The following DNAAF11 variants were observed in gnomAD, a reference collection of about 807,000 sequenced individuals.
DNAAF11 encodes leucine rich repeat containing 6.
In DNAAF11, 45 loss-of-function variants were observed where a neutral mutation model predicts 60.8. The ratio of observed to expected loss-of-function variants is 0.74; its 90% confidence interval spans 0.58 to 0.95. The LOEUF (loss-of-function observed/expected upper bound fraction) is 0.95. Ranked by LOEUF, DNAAF11 falls within the 40% of genes least tolerant of loss-of-function variation. The probability of loss-of-function intolerance (pLI) is 0.00; values close to 1 mark genes in which losing one functional copy is unlikely to be tolerated. For synonymous variants in DNAAF11, 191 were observed against 183.5 expected, an observed-to-expected ratio of 1.04 and a Z score of -0.33; for missense variants, 546 against 546.2, an observed-to-expected ratio of 1.00 and a Z score of 0.00.
At chr8:132,683,789 C>T in the DNAAF11 span, among the ~76,000 whole-genome samples, 1 of 152,108 alleles carries the variant, frequency 6.6e-6, no homozygotes, top group Non-Finnish European at 1.5e-5. Flanking sequence ...CTTTGGAGGG[C>T]AAGTCCAGGT....
chr8:132,612,533 C>T (rs1818772708), intron 8 of DNAAF11, among the ~76,000 whole-genome samples: 1 of 152,142 alleles, frequency 6.6e-6, no homozygotes, highest in African/African-American at 2.4e-5. Flanking sequence ...TGACTACTCC[C>T]CGCACAGCAT....
chr8:132,615,230 G>A, intron 7 of DNAAF11, 133 bp from the exon 8 acceptor site: 2 of 502,342 alleles, frequency 4.0e-6, no homozygotes, highest in Non-Finnish European at 3.5e-6. Flanking sequence ...TTTAGTGGTT[G>A]AACAATCAAA....
chr8:132,700,523 C>CA, the DNAAF11 span, among the ~76,000 whole-genome samples: 1,038 of 135,332 alleles, frequency 7.7e-3, 17 homozygotes, highest in South Asian at 0.022. Flanking sequence ...CCCACCTCTA[C>CA]AAAAAAAAAA....
At chr8:132,684,083 A>G in the DNAAF11 span, among the ~76,000 whole-genome samples, 1 of 152,164 alleles carries the variant, frequency 6.6e-6, no homozygotes, top group South Asian at 2.1e-4. Context: ...GTGCAGCTAC[A>G]GCAAATTTTT....
intron 10 of DNAAF11, among the ~76,000 whole-genome samples, chr8:132,600,313 G>T (rs1817475136): frequency 6.6e-6 from 1 of 152,094 alleles, no homozygotes; most frequent in East Asian, 1.9e-4. Flanking sequence ...CTCATGGATA[G>T]GAAGAATCAA....
At chr8:132,625,177 G>T in intron 6 of DNAAF11, 95 bp downstream of exon 6, 1 of 929,268 alleles carries the variant, frequency 1.1e-6, no homozygotes, top group Non-Finnish European at 1.6e-6. Flanking sequence ...AAGTGCTAAA[G>T]GTTTAACACA....
At chr8:132,624,043 A>C (rs750863109) in intron 6 of DNAAF11, among the ~76,000 whole-genome samples, 5 of 152,162 alleles carry the variant, frequency 3.3e-5, no homozygotes, top group Non-Finnish European at 7.4e-5. Context: ...GGGAGTAAAA[A>C]AAATTTCTCC....
chr8:132,690,722 T>G, the DNAAF11 span, among the ~76,000 whole-genome samples: 2 of 152,196 alleles, frequency 1.3e-5, no homozygotes, highest in Non-Finnish European at 2.9e-5. Flanking sequence ...CCATGACAGT[T>G]TCTCAGGCTC....
rs181674856 is a variant in DNAAF11, at chr8:132,606,319, A to T, written c.1140+3847T>A. 1.6e-3 allele frequency among the ~76,000 whole-genome samples: 247 copies of T among 152,050 alleles called. 2 individuals are homozygous for T. Among genetic ancestry groups the T allele is most frequent in the Non-Finnish European group, 3.0e-3 (204 of 67,952 alleles). On this transcript the variant is annotated intron_variant, in intron 10 of 11. Coordinates refer to ENST00000620350, the MANE Select transcript of DNAAF11 (RefSeq NM_012472.6). ...GAGTGGGCTCCCTCTACTTATATTT[A>T]AAAAAAATAATGTTGTCCCTGAAGA... is the stretch of plus-strand genomic sequence containing the variant.
intron 1 of DNAAF11, among the ~76,000 whole-genome samples, chr8:132,668,810 G>A (rs556613872): frequency 1.5e-4 from 23 of 152,270 alleles, no homozygotes; most frequent in East Asian, 9.7e-4. Context: ...TTAGGCCATC[G>A]TGGATGACAT....
At chr8:132,626,981 T>C (rs536833850) in intron 5 of DNAAF11, among the ~76,000 whole-genome samples, 1 of 152,320 alleles carries the variant, frequency 6.6e-6, no homozygotes, top group Admixed American at 6.5e-5. Flanking sequence ...GAAATTTAAG[T>C]AGCATCAATA....
chr8:132,671,970 A>G (rs1192783052), intron 1 of DNAAF11, among the ~76,000 whole-genome samples: 2 of 152,214 alleles, frequency 1.3e-5, no homozygotes, highest in Non-Finnish European at 2.9e-5. Flanking sequence ...TTTCTTGGAT[A>G]TGACATCAAA....
chr8:132,577,694 C>T (rs972346123), intron 11 of DNAAF11, among the ~76,000 whole-genome samples: 19 of 152,126 alleles, frequency 1.2e-4, no homozygotes, highest in African/African-American at 4.6e-4. Flanking sequence ...AGCCTTGCTC[C>T]GTTGCCCAGG....
the DNAAF11 span, among the ~76,000 whole-genome samples, chr8:132,689,942 C>T: frequency 6.6e-6 from 1 of 152,186 alleles, no homozygotes; most frequent in African/African-American, 2.4e-5. Flanking sequence ...TTTCAAATTC[C>T]TGGCCTAAAG....
chr8:132,580,856 A>G (rs941924104), intron 11 of DNAAF11, among the ~76,000 whole-genome samples: 16 of 152,214 alleles, frequency 1.1e-4, no homozygotes, highest in African/African-American at 3.1e-4. Context: ...ATTCTGAAAT[A>G]TATGTGTAAG....
At chr8:132,647,998 A>G (rs1822579910) in intron 3 of DNAAF11, among the ~76,000 whole-genome samples, 1 of 152,226 alleles carries the variant, frequency 6.6e-6, no homozygotes, top group Non-Finnish European at 1.5e-5. Context: ...AATCCTCCCT[A>G]ACTCATTTTA....
At chr8:132,613,144 G>C (rs1465443612) in intron 8 of DNAAF11, among the ~76,000 whole-genome samples, 1 of 152,168 alleles carries the variant, frequency 6.6e-6, no homozygotes, top group Non-Finnish European at 1.5e-5. Flanking sequence ...CAGATAACCT[G>C]GCAGCAAGCA....
At chr8:132,616,478 C>T (rs769056122) in intron 7 of DNAAF11, among the ~76,000 whole-genome samples, 5 of 151,990 alleles carry the variant, frequency 3.3e-5, no homozygotes, top group East Asian at 3.9e-4. Flanking sequence ...CTGATAATAT[C>T]GAAGGAAGAG....
At chr8:132,581,616 C>T (rs562161195) in intron 11 of DNAAF11, among the ~76,000 whole-genome samples, 4 of 147,862 alleles carry the variant, frequency 2.7e-5, no homozygotes, top group South Asian at 4.4e-4. Context: ...TGCCACTGCA[C>T]TCCAGCCTCT....
Sources: gnomAD v4.1 joint callset for allele counts (sites outside exome capture counted in the v4.1 genomes callset) on GRCh38, gnomAD v4.1.1 for gene constraint, MANE v1.5 for transcripts, NCBI Gene and HGNC (gene_info 2026-07-23, HGNC 2026-07-21) for gene names.